Variants in ASIC2 observed in about 807,000 individuals in gnomAD.
ASIC2 encodes acid sensing ion channel subunit 2.
In ASIC2, 25 loss-of-function variants were observed where a neutral mutation model predicts 57.3. The ratio of observed to expected loss-of-function variants is 0.44; its 90% CI spans 0.32 to 0.61. The LOEUF (loss-of-function observed/expected upper bound fraction) is 0.61. Ranked by LOEUF, ASIC2 falls within the 20% of genes least tolerant of loss-of-function variation. The probability of loss-of-function intolerance (pLI) is 0.06; values close to 1 mark genes in which losing one functional copy is unlikely to be tolerated. For synonymous variants in ASIC2, 319 were observed against 307.5 expected (o/e 1.04, Z -0.39); for missense variants, 641 against 738.1 (o/e 0.87, Z 1.52).
At chr17:33,577,365 C>T (rs141516039) in intron 1 of ASIC2, among the ~76,000 whole-genome samples, 139 of 152,212 alleles carry the variant, frequency 9.1e-4, no homozygotes, top group Non-Finnish European at 1.6e-3. Flanking sequence ...CAGCTTTGCT[C>T]CTTCTGGAAG....
intron 1 of ASIC2, among the ~76,000 whole-genome samples, chr17:33,643,324 T>A (rs1254854138): frequency 2.0e-5 from 3 of 152,262 alleles, no homozygotes; most frequent in Admixed American, 6.5e-5. Context: ...AAAAATACTT[T>A]TTATAAAAAC....
Position 33,436,853 on chromosome 17 carries a change from C to CTTTTTTTTTT in ASIC2, c.556-324796_556-324787dup, listed in dbSNP as rs71144877. Among the ~76,000 whole-genome samples, 46 of 66,608 alleles carry CTTTTTTTTTT rather than the reference C, an allele frequency of 6.9e-4. 1 individual carries two copies. The highest frequency in any genetic ancestry group is 2.7e-3 in the East Asian group (5 of 1,878). The allele number at this position is 66,608 out of a possible 152,430, so 43.7% of individuals were successfully genotyped here. A position where few individuals can be genotyped will look rare whatever the true frequency, so the allele number is the denominator to read the frequency against. On this transcript the variant is annotated intron_variant, in intron 1 of 9. Transcript: ENST00000359872. ...AATGCCTTAAAACACATTCCAACTT[C>CTTTTTTTTTT]TTTTTTTTTTTTTTTTTTTTTTTTT...
intron 1 of ASIC2, among the ~76,000 whole-genome samples, chr17:34,154,584 G>A (rs921697110): frequency 6.6e-5 from 10 of 152,154 alleles, no homozygotes; most frequent in Non-Finnish European, 1.3e-4. Context: ...GAGGCTACAG[G>A]CAGAGACTGG....
At chr17:33,508,605 T>C (rs982187466) in intron 1 of ASIC2, among the ~76,000 whole-genome samples, 1 of 151,910 alleles carries the variant, frequency 6.6e-6, no homozygotes, top group Non-Finnish European at 1.5e-5. Context: ...GGCAGGAGAG[T>C]ACATTTGAGA....
At chr17:34,019,074 A>C (rs546278662) in intron 1 of ASIC2, among the ~76,000 whole-genome samples, 1 of 151,932 alleles carries the variant, frequency 6.6e-6, no homozygotes, top group East Asian at 1.9e-4. Flanking sequence ...CGCCTGGCTA[A>C]TTTTTTGTAT....
At chr17:33,056,454 C>T (rs548004886) in intron 3 of ASIC2, among the ~76,000 whole-genome samples, 6 of 152,148 alleles carry the variant, frequency 3.9e-5, no homozygotes, top group South Asian at 2.1e-4. Flanking sequence ...AGCCACCCCC[C>T]TCCCTGGCCC....
chr17:34,092,538 G>A (rs540607784), intron 1 of ASIC2, among the ~76,000 whole-genome samples: 5 of 152,304 alleles, frequency 3.3e-5, no homozygotes, highest in South Asian at 4.1e-4. Flanking sequence ...CCCTATGGGA[G>A]CCACCTTGTT....
intron 1 of ASIC2, among the ~76,000 whole-genome samples, chr17:33,306,203 A>G (rs1367237259): frequency 6.6e-6 from 1 of 152,210 alleles, no homozygotes; most frequent in Non-Finnish European, 1.5e-5. Flanking sequence ...TCTATCAGAA[A>G]CATTTTAGGG....
At chr17:33,029,500 T>C (rs530464589) in intron 3 of ASIC2, among the ~76,000 whole-genome samples, 3 of 152,272 alleles carry the variant, frequency 2.0e-5, no homozygotes, top group Admixed American at 6.5e-5. Flanking sequence ...GCATTATGTA[T>C]GACTACACTA....
chr17:33,401,384 G>C (rs866586633), intron 1 of ASIC2, among the ~76,000 whole-genome samples: 3 of 152,040 alleles, frequency 2.0e-5, no homozygotes, highest in Non-Finnish European at 4.4e-5. Flanking sequence ...TGCCATTGTA[G>C]TGTTAACCTC....
At chr17:33,353,844 C>G (rs757398771) in intron 1 of ASIC2, among the ~76,000 whole-genome samples, 2 of 152,144 alleles carry the variant, frequency 1.3e-5, no homozygotes, top group Non-Finnish European at 2.9e-5. Flanking sequence ...TGACCAAGCA[C>G]AGGGTCTCCA....
At chr17:33,681,922 A>G (rs1908013377) in intron 1 of ASIC2, among the ~76,000 whole-genome samples, 1 of 152,174 alleles carries the variant, frequency 6.6e-6, no homozygotes, top group Non-Finnish European at 1.5e-5. Context: ...GCCTCAATAA[A>G]TGATATTTGA....
intron 1 of ASIC2, among the ~76,000 whole-genome samples, chr17:33,450,373 A>G (rs1423911886): frequency 6.6e-6 from 1 of 152,196 alleles, no homozygotes; most frequent in Admixed American, 6.5e-5. Flanking sequence ...GCCTACTTTC[A>G]GTAAAGCCTG....
chr17:33,828,885 C>T (rs533102689), intron 1 of ASIC2, among the ~76,000 whole-genome samples: 1 of 152,238 alleles, frequency 6.6e-6, no homozygotes, highest in South Asian at 2.1e-4. Flanking sequence ...GAAAGGAAGG[C>T]TTCTAGCAGA....
intron 1 of ASIC2, among the ~76,000 whole-genome samples, chr17:33,735,543 A>G (rs978892947): frequency 6.6e-6 from 1 of 152,152 alleles, no homozygotes; most frequent in Non-Finnish European, 1.5e-5. Flanking sequence ...GCTTGGAGTC[A>G]CATAGTGTGG....
intron 1 of ASIC2, among the ~76,000 whole-genome samples, chr17:34,092,146 A>G: frequency 6.6e-6 from 1 of 152,254 alleles, no homozygotes; most frequent in African/African-American, 2.4e-5. Flanking sequence ...CCCCAAAATG[A>G]GGTCATGTGC....
intron 1 of ASIC2, among the ~76,000 whole-genome samples, chr17:34,089,760 A>T (rs1474349201): frequency 6.6e-6 from 1 of 152,016 alleles, no homozygotes; most frequent in Non-Finnish European, 1.5e-5. Context: ...ACCTCTTGAA[A>T]TCTGCTCTCC....
chr17:33,557,538 G>C (rs1915943941), intron 1 of ASIC2, among the ~76,000 whole-genome samples: 1 of 152,148 alleles, frequency 6.6e-6, no homozygotes, highest in Non-Finnish European at 1.5e-5. Context: ...AGCATTATGG[G>C]AATACTAAAG....
rs369311301 is a variant in ASIC2, at chr17:33,448,121, T to C, written c.556-336054A>G. Among the ~76,000 whole-genome samples the C allele has an allele frequency of 3.3e-5, 5 of 151,818 alleles. No individual in the cohort carries two copies. The East Asian group carries it at 5.8e-4, about 18-fold the overall frequency. The stretch of plus-strand genomic sequence containing the variant: ...ATAAAACTAGAATCGGGAGTTAGGT[T>C]ACTGTGGAGAAACCAGGCATTTGTC... On this transcript the variant is annotated intron_variant, in intron 1 of 9. Transcript: ENST00000359872.
Sources: allele counts gnomAD v4.1 joint callset (sites outside exome capture counted in the v4.1 genomes callset), GRCh38; gene constraint gnomAD v4.1.1; transcripts MANE v1.5; gene names NCBI Gene and HGNC (gene_info 2026-07-23, HGNC 2026-07-21).